Variants in LIMS1 observed in about 807,000 individuals in gnomAD.
LIMS1 encodes the protein LIM zinc finger domain containing 1, also known as LIM and senescent cell antigen-like-containing domain protein 1.
LIMS1 carries 18 observed loss-of-function variants against 44.1 expected under a neutral mutation model. The ratio of observed to expected loss-of-function variants is 0.41; its 90% CI spans 0.28 to 0.61. The LOEUF is 0.61. LIMS1 is among the 20% of genes least tolerant of loss of function. The probability of loss-of-function intolerance (pLI) is 0.32; values close to 1 mark genes in which losing one functional copy is unlikely to be tolerated. For synonymous variants in LIMS1, 93 were observed against 149.1 expected, an observed-to-expected ratio of 0.62 and a Z score of 2.74; for missense variants, 201 against 422.0, an observed-to-expected ratio of 0.48 and a Z score of 4.59.
intron 1 of LIMS1, among the ~76,000 whole-genome samples, chr2:108,565,851 A>G (rs1447972416): frequency 1.3e-5 from 2 of 152,178 alleles, no homozygotes; most frequent in Non-Finnish European, 2.9e-5. Flanking sequence ...TTCACATGAC[A>G]GGAGGTGACA....
exon 10 of LIMS1, chr2:108,685,406 G>A (rs1693248064): frequency 6.6e-6 from 1 of 151,788 alleles, no homozygotes; most frequent in South Asian, 2.1e-4. Flanking sequence ...AAGTTGCCAA[G>A]AGAGACTTCT....
At chr2:108,605,293 C>T (rs1687215157) in intron 1 of LIMS1, among the ~76,000 whole-genome samples, 1 of 152,190 alleles carries the variant, frequency 6.6e-6, no homozygotes, top group African/African-American at 2.4e-5. Flanking sequence ...GGACAGACTT[C>T]CCCTGCTGGG....
chr2:108,607,201 C>T (rs2104740173), intron 1 of LIMS1: 2 of 1,550,886 alleles, frequency 1.3e-6, no homozygotes, highest in East Asian at 4.9e-5. Flanking sequence ...GCATGGAGAG[C>T]TTAGCTTGGA....
chr2:108,646,062 C>A (rs1036577628), intron 1 of LIMS1, among the ~76,000 whole-genome samples: 1 of 152,168 alleles, frequency 6.6e-6, no homozygotes, highest in Non-Finnish European at 1.5e-5. Context: ...GACTTTAACA[C>A]CCCACTGTCA....
intron 1 of LIMS1, among the ~76,000 whole-genome samples, chr2:108,618,166 C>G (rs1004911110): frequency 6.6e-6 from 1 of 152,090 alleles, no homozygotes; most frequent in African/African-American, 2.4e-5. Context: ...TCTGGACTGA[C>G]CTTCAAAGAT....
At chr2:108,648,712 G>C (rs1690248074) in intron 1 of LIMS1, among the ~76,000 whole-genome samples, 1 of 152,114 alleles carries the variant, frequency 6.6e-6, no homozygotes. Flanking sequence ...TGACAAACCT[G>C]ACAAAAACAA....
intron 1 of LIMS1, among the ~76,000 whole-genome samples, chr2:108,616,196 G>GC (rs1436160660): frequency 3.6e-4 from 42 of 115,492 alleles, no homozygotes; most frequent in Non-Finnish European, 3.0e-4. Context: ...GTTTGCATGG[G>GC]CTTTTTTTTT....
In LIMS1 at chr2:108,655,155, C is replaced by G; in HGVS notation, c.33-4450C>G. 2 of 1,562,786 alleles carry G rather than the reference C, an allele frequency of 1.3e-6. No homozygotes were observed. The highest frequency in any genetic ancestry group is 1.8e-6 in the Non-Finnish European group (2 of 1,141,244). Reference sequence around the variant, plus strand: ...CCCGAGCAGCCCTTAACACTGTCCACGAGGCCAATGGGACCGAGGACGAGA... The same window carrying G: ...CCCGAGCAGCCCTTAACACTGTCCAGGAGGCCAATGGGACCGAGGACGAGA... On this transcript the variant is annotated intron_variant, in intron 1 of 9. Transcript: ENST00000544547.
chr2:108,544,417 A>G (rs1350536802), intron 1 of LIMS1, among the ~76,000 whole-genome samples: 1 of 152,178 alleles, frequency 6.6e-6, no homozygotes, highest in Non-Finnish European at 1.5e-5. Context: ...ATTTTTTATT[A>G]TGGAGGATTT....
chr2:108,550,299 T>G (rs753223350), intron 1 of LIMS1, among the ~76,000 whole-genome samples: 2 of 149,586 alleles, frequency 1.3e-5, no homozygotes, highest in South Asian at 4.2e-4. Flanking sequence ...ATCGAGACCA[T>G]CCTGGCTAAC....
chr2:108,638,669 C>T (rs894226105), intron 1 of LIMS1, among the ~76,000 whole-genome samples: 11 of 152,076 alleles, frequency 7.2e-5, no homozygotes, highest in Non-Finnish European at 1.3e-4. Flanking sequence ...ATCACTTGAA[C>T]CCAGGAGATC....
intron 1 of LIMS1, among the ~76,000 whole-genome samples, chr2:108,606,606 C>T (rs1263006784): frequency 2.0e-5 from 3 of 152,206 alleles, no homozygotes; most frequent in Non-Finnish European, 2.9e-5. Flanking sequence ...TGTTGCCAGG[C>T]TTGAAGAGCT....
intron 8 of LIMS1, 147 bp from the exon 9 acceptor site, chr2:108,680,548 A>G (rs1240727123): frequency 2.3e-6 from 3 of 1,289,028 alleles, no homozygotes; most frequent in South Asian, 1.6e-5. Flanking sequence ...TTTAAAAAAA[A>G]AAAAAAAAAA....
At chr2:108,663,646 T>C (rs1389511747) in intron 2 of LIMS1, among the ~76,000 whole-genome samples, 1 of 152,224 alleles carries the variant, frequency 6.6e-6, no homozygotes, top group Non-Finnish European at 1.5e-5. Context: ...GGGTTCTTTG[T>C]TGGTGCTTCA....
intron 1 of LIMS1, among the ~76,000 whole-genome samples, chr2:108,634,126 G>A (rs1689082366): frequency 6.6e-6 from 1 of 152,204 alleles, no homozygotes; most frequent in African/African-American, 2.4e-5. Flanking sequence ...GAAGCAGGCT[G>A]GGCAAAGCTC....
intron 1 of LIMS1, among the ~76,000 whole-genome samples, chr2:108,618,752 G>A (rs1453391279): frequency 6.6e-6 from 1 of 151,386 alleles, no homozygotes; most frequent in Non-Finnish European, 1.5e-5. Flanking sequence ...TTGAACTCGG[G>A]AGGTGGAGGT....
intron 1 of LIMS1, among the ~76,000 whole-genome samples, chr2:108,560,852 A>G (rs1685087480): frequency 1.3e-5 from 2 of 151,862 alleles, no homozygotes; most frequent in African/African-American, 4.8e-5. Flanking sequence ...AATTTTAAAA[A>G]CTCTTAACCA....
At chr2:108,684,778 C>T (rs979352801) in exon 10 of LIMS1, 1 of 152,006 alleles carries the variant, frequency 6.6e-6, no homozygotes, top group African/African-American at 2.4e-5. Context: ...TGTTTCTAAG[C>T]TTAATGTTAA....
chr2:108,616,159 G>A (rs1451995548), intron 1 of LIMS1, among the ~76,000 whole-genome samples: 4 of 150,430 alleles, frequency 2.7e-5, no homozygotes, highest in Admixed American at 1.3e-4. Flanking sequence ...TGTGGAAGAG[G>A]CTGCTGTATG....
Sources: allele counts gnomAD v4.1 joint callset (sites outside exome capture counted in the v4.1 genomes callset), GRCh38; gene constraint gnomAD v4.1.1; transcripts MANE v1.5; gene names NCBI Gene and HGNC (gene_info 2026-07-23, HGNC 2026-07-21).